Variants in VTI1A observed in about 807,000 individuals in gnomAD.
VTI1A encodes vesicle transport through interaction with t-SNAREs 1A.
A neutral mutation model predicts 34.9 loss-of-function variants in VTI1A; 22 were observed. The observed-to-expected ratio is 0.63, with a 90% CI of 0.45 to 0.90. The LOEUF (loss-of-function observed/expected upper bound fraction) is 0.90, where lower values mean the gene tolerates loss of function less well. Among genes scored for constraint, VTI1A ranks in the 40% least tolerant of loss-of-function variants. The pLI is 0.00. For synonymous variants in VTI1A, 87 were observed against 97.3 expected, an observed-to-expected ratio of 0.89 and a Z score of 0.62; for missense variants, 268 against 275.6, an observed-to-expected ratio of 0.97 and a Z score of 0.20.
chr10:112,636,035 C>G (rs193247768), intron 5 of VTI1A, among the ~76,000 whole-genome samples: 55 of 152,290 alleles, frequency 3.6e-4, no homozygotes, highest in African/African-American at 1.3e-3. Context: ...GAAAGAAATA[C>G]AAAGTAAGAA....
chr10:112,489,405 T>A (rs1589822912), intron 3 of VTI1A, among the ~76,000 whole-genome samples: 1 of 152,176 alleles, frequency 6.6e-6, no homozygotes, highest in Non-Finnish European at 1.5e-5. Flanking sequence ...CAACCCCCCA[T>A]TCTTTGTGTA....
intron 5 of VTI1A, among the ~76,000 whole-genome samples, chr10:112,606,483 TG>T (rs1398437797): frequency 6.6e-6 from 1 of 152,134 alleles, no homozygotes; most frequent in East Asian, 1.9e-4. Flanking sequence ...TTCCAGGAAG[TG>T]GGGCAAGTCA....
chr10:112,538,137 A>G (rs1850716837), intron 4 of VTI1A, 109 bp from the exon 5 acceptor site: 2 of 851,814 alleles, frequency 2.3e-6, no homozygotes, highest in Admixed American at 2.6e-5. Flanking sequence ...ATGGGTTGCG[A>G]ACCCCCCCAC....
At chr10:112,618,195 T>G (rs1366052157) in intron 5 of VTI1A, among the ~76,000 whole-genome samples, 2 of 151,878 alleles carry the variant, frequency 1.3e-5, no homozygotes, top group East Asian at 3.9e-4. Flanking sequence ...ACTCTTCTAC[T>G]TAACAGCTGT....
At chr10:112,521,573 T>C (rs1850030799) in intron 3 of VTI1A, among the ~76,000 whole-genome samples, 1 of 152,000 alleles carries the variant, frequency 6.6e-6, no homozygotes, top group Non-Finnish European at 1.5e-5. Flanking sequence ...TACTATACCA[T>C]TATTTTAGAG....
intron 5 of VTI1A, among the ~76,000 whole-genome samples, chr10:112,647,274 T>A (rs186292350): frequency 1.3e-5 from 2 of 152,342 alleles, no homozygotes; most frequent in African/African-American, 4.8e-5. Flanking sequence ...GGTTTTCACT[T>A]TTGGAATAGC....
intron 5 of VTI1A, among the ~76,000 whole-genome samples, chr10:112,579,134 C>T (rs1460304774): frequency 6.6e-6 from 1 of 152,142 alleles, no homozygotes; most frequent in African/African-American, 2.4e-5. Flanking sequence ...TATCCCAGTA[C>T]CCTTGATGCA....
intron 7 of VTI1A, among the ~76,000 whole-genome samples, chr10:112,764,883 C>CAT (rs1183690382): frequency 6.6e-6 from 1 of 152,144 alleles, no homozygotes; most frequent in African/African-American, 2.4e-5. Flanking sequence ...CTTGTACATA[C>CAT]ATATACCTGT....
At chr10:112,845,684 G>A in the VTI1A span, among the ~76,000 whole-genome samples, 1 of 152,108 alleles carries the variant, frequency 6.6e-6, no homozygotes, top group South Asian at 2.1e-4. Context: ...CACTCAGGAC[G>A]AGCCCCAGGT....
At chr10:112,829,244 A>C in the VTI1A span, among the ~76,000 whole-genome samples, 1 of 151,894 alleles carries the variant, frequency 6.6e-6, no homozygotes, top group Non-Finnish European at 1.5e-5. Context: ...GGAGATCGAG[A>C]CCATCCGGGC....
chr10:112,585,877 G>C (rs1487509147), intron 5 of VTI1A, among the ~76,000 whole-genome samples: 1 of 152,054 alleles, frequency 6.6e-6, no homozygotes, highest in Non-Finnish European at 1.5e-5. Context: ...AAAGATTGCA[G>C]TTACTTCTGA....
intron 7 of VTI1A, among the ~76,000 whole-genome samples, chr10:112,746,837 CTTTCTAATATG>C (rs1850914584): frequency 6.6e-6 from 1 of 152,218 alleles, no homozygotes; most frequent in Non-Finnish European, 1.5e-5. Flanking sequence ...AATGGAATCA[CTTTCTAATATG>C]TCCGAACTAG....
chr10:112,639,017 C>T (rs1212290972), intron 5 of VTI1A, among the ~76,000 whole-genome samples: 1 of 152,080 alleles, frequency 6.6e-6, no homozygotes, highest in Non-Finnish European at 1.5e-5. Context: ...GGGAAAAACA[C>T]TCAATTTATC....
intron 7 of VTI1A, among the ~76,000 whole-genome samples, chr10:112,790,999 C>T (rs1266113517): frequency 6.6e-6 from 1 of 152,130 alleles, no homozygotes; most frequent in Non-Finnish European, 1.5e-5. Flanking sequence ...GCTTGAGGTT[C>T]TCCAATATGG....
chr10:112,639,222 C>A (rs1846473790), intron 5 of VTI1A, among the ~76,000 whole-genome samples: 1 of 152,112 alleles, frequency 6.6e-6, no homozygotes, highest in Non-Finnish European at 1.5e-5. Context: ...TCAATTAAAG[C>A]TTTCTCTTTT....
intron 3 of VTI1A, among the ~76,000 whole-genome samples, chr10:112,480,865 A>G (rs1410081101): frequency 6.6e-6 from 1 of 152,204 alleles, no homozygotes; most frequent in Non-Finnish European, 1.5e-5. Context: ...TTTAATTGGC[A>G]TGGGGTGCAA....
chr10:112,830,849 A>ATATTT, the VTI1A span, among the ~76,000 whole-genome samples: 4 of 33,488 alleles, frequency 1.2e-4, no homozygotes, highest in South Asian at 1.6e-3. Flanking sequence ...ATATATATAT[A>ATATTT]TTTTTTTTTT....
intron 7 of VTI1A, among the ~76,000 whole-genome samples, chr10:112,791,651 G>A (rs1852482033): frequency 1.3e-5 from 2 of 152,068 alleles, no homozygotes; most frequent in Admixed American, 1.3e-4. Context: ...ACAGTGTTTG[G>A]CAAAGGACTA....
intron 7 of VTI1A, among the ~76,000 whole-genome samples, chr10:112,743,787 T>A (rs1355361093): frequency 6.6e-6 from 1 of 152,216 alleles, no homozygotes; most frequent in Non-Finnish European, 1.5e-5. Context: ...AAAAAAATTA[T>A]TTCGGTTATA....
Sources: allele counts gnomAD v4.1 joint callset (sites outside exome capture counted in the v4.1 genomes callset), GRCh38; gene constraint gnomAD v4.1.1; transcripts MANE v1.5; gene names NCBI Gene and HGNC (gene_info 2026-07-23, HGNC 2026-07-21).